RANBP17: variants seen among roughly 807,000 people sequenced by gnomAD.
RANBP17 encodes ran-binding protein 17.
In RANBP17, 158 loss-of-function variants were observed where a neutral mutation model predicts 141.2. The ratio of observed to expected loss-of-function variants is 1.12; its 90% CI spans 0.98 to 1.28. The LOEUF (loss-of-function observed/expected upper bound fraction) is 1.28. Among genes scored for constraint, RANBP17 ranks in the 50% most tolerant of loss-of-function variants. RANBP17 has a pLI of 0.00. For missense variants in RANBP17, 1,438 were observed against 1,290.7 expected (o/e 1.11, Z -1.75); for synonymous variants, 430 against 450.0 (o/e 0.96, Z 0.56).
chr5:170,915,583 C>G (rs889258059), intron 8 of RANBP17, among the ~76,000 whole-genome samples: 1 of 151,962 alleles, frequency 6.6e-6, no homozygotes, highest in Non-Finnish European at 1.5e-5. Context: ...CAAACTGGAG[C>G]ACATCTAAAA....
In RANBP17 at chr5:171,242,716, T is replaced by TC. The variant is rs1326889655; in HGVS notation, c.2674dup (p.Leu892ProfsTer35). 6.2e-7 allele frequency: 1 copy of TC among 1,613,766 alleles called. No individual in the cohort carries two copies. Among genetic ancestry groups the TC allele is most frequent in the Non-Finnish European group, 8.5e-7 (1 of 1,179,864 alleles). On this transcript the variant is annotated frameshift_variant, in exon 24 of 28. Coordinates refer to ENST00000523189, the MANE Select transcript of RANBP17 (RefSeq NM_022897.5). LOFTEE classifies it high-confidence loss of function. Reference sequence around the variant, plus strand: ...AAACTGAGCCAGTCTTATTATCCACTCCTGGAATGTCTCACTCAGGACCAT... The same window carrying TC: ...AAACTGAGCCAGTCTTATTATCCACTCCCTGGAATGTCTCACTCAGGACCAT...
intron 14 of RANBP17, among the ~76,000 whole-genome samples, chr5:171,081,455 C>T (rs1484932826): frequency 1.3e-5 from 2 of 152,064 alleles, no homozygotes; most frequent in Non-Finnish European, 2.9e-5. Context: ...CACTCTAATG[C>T]CAAGTGTTGA....
At chr5:171,041,985 T>C (rs1345152448) in intron 14 of RANBP17, among the ~76,000 whole-genome samples, 3 of 152,082 alleles carry the variant, frequency 2.0e-5, no homozygotes, top group Non-Finnish European at 4.4e-5. Context: ...TAAGTGAGAA[T>C]ATGTGGTGTT....
intron 22 of RANBP17, among the ~76,000 whole-genome samples, chr5:171,233,135 T>G (rs1764308972): frequency 6.6e-6 from 1 of 152,138 alleles, no homozygotes; most frequent in African/African-American, 2.4e-5. Flanking sequence ...CCCAGGAGTT[T>G]GAGACTAACC....
intron 13 of RANBP17, among the ~76,000 whole-genome samples, chr5:170,955,664 A>G (rs1380689479): frequency 4.9e-5 from 3 of 61,078 alleles, no homozygotes; most frequent in Admixed American, 2.0e-4. Flanking sequence ...ATATATATAT[A>G]TATATATATA....
chr5:171,168,943 C>G (rs1759912342), intron 14 of RANBP17, among the ~76,000 whole-genome samples: 1 of 152,012 alleles, frequency 6.6e-6, no homozygotes, highest in Admixed American at 6.6e-5. Context: ...TCCTCCTCTC[C>G]CTCTTTTTCT....
At chr5:171,222,993 A>G (rs554075399) in intron 22 of RANBP17, among the ~76,000 whole-genome samples, 1 of 152,180 alleles carries the variant, frequency 6.6e-6, no homozygotes, top group Admixed American at 6.5e-5. Context: ...TCTTTATTTT[A>G]ATTCTGTATG....
At chr5:171,156,507 G>A (rs532248805) in intron 14 of RANBP17, among the ~76,000 whole-genome samples, 1 of 152,258 alleles carries the variant, frequency 6.6e-6, no homozygotes, top group East Asian at 1.9e-4. Flanking sequence ...GTGAACATGT[G>A]TGGATCACTA....
At chr5:171,189,751 A>G (rs1761502793) in intron 18 of RANBP17, among the ~76,000 whole-genome samples, 1 of 152,240 alleles carries the variant, frequency 6.6e-6, no homozygotes, top group Admixed American at 6.5e-5. Flanking sequence ...TGATTTGTTG[A>G]GCGTTGTTGA....
rs368780187 is a variant in RANBP17, at chr5:171,296,066, G to C, written c.3170+52G>C. On this transcript the variant is annotated intron_variant, in intron 27 of 27. Coordinates refer to ENST00000523189, the MANE Select transcript of RANBP17 (RefSeq NM_022897.5). ...TGGGGGAAGTAGACATTCCAGGTTT[G>C]TTGAAAATAACTCTCTCGTGCTTGA... The C allele has an allele frequency of 7.0e-6, 11 of 1,579,702 alleles. No individual in the cohort carries two copies. The Admixed American group carries it at 1.9e-4, about 27-fold the overall frequency.
At chr5:170,864,532 G>C (rs768067720) in intron 1 of RANBP17, among the ~76,000 whole-genome samples, 1 of 152,130 alleles carries the variant, frequency 6.6e-6, no homozygotes, top group East Asian at 1.9e-4. Context: ...TGTGAATTAC[G>C]ATACCCTGTC....
intron 14 of RANBP17, among the ~76,000 whole-genome samples, chr5:171,155,651 AAGT>A (rs1758847633): frequency 6.6e-6 from 1 of 152,146 alleles, no homozygotes; most frequent in African/African-American, 2.4e-5. Context: ...AAAAGAGAAA[AAGT>A]AGATTTGAAT....
intron 14 of RANBP17, among the ~76,000 whole-genome samples, chr5:170,976,232 C>T (rs1176750645): frequency 3.3e-5 from 5 of 152,072 alleles, no homozygotes; most frequent in Non-Finnish European, 4.4e-5. Flanking sequence ...AGGAACAAAA[C>T]ATTCCATTAT....
intron 4 of RANBP17, among the ~76,000 whole-genome samples, chr5:170,895,058 G>A (rs1047345950): frequency 6.6e-5 from 10 of 152,198 alleles, no homozygotes; most frequent in African/African-American, 2.2e-4. Flanking sequence ...TTAACCTGGT[G>A]TACACATAGG....
intron 25 of RANBP17, among the ~76,000 whole-genome samples, chr5:171,282,453 CATGTTGTTGTTG>C (rs1172607801): frequency 6.9e-6 from 1 of 145,806 alleles, no homozygotes; most frequent in Non-Finnish European, 1.5e-5. Flanking sequence ...AAGAAAGCTG[CATGTTGTTGTTG>C]TTGTTGTTGT....
chr5:171,165,163 C>T (rs1374826877), intron 14 of RANBP17, among the ~76,000 whole-genome samples: 1 of 152,032 alleles, frequency 6.6e-6, no homozygotes, highest in Admixed American at 6.6e-5. Flanking sequence ...TAATCAAAAG[C>T]CCATAAAGTA....
At chr5:171,055,966 A>G (rs573672277) in intron 14 of RANBP17, among the ~76,000 whole-genome samples, 1 of 151,968 alleles carries the variant, frequency 6.6e-6, no homozygotes, top group South Asian at 2.1e-4. Context: ...GATTACTCAC[A>G]AATAGTTTCG....
intron 13 of RANBP17, among the ~76,000 whole-genome samples, chr5:170,955,100 G>A (rs1775514690): frequency 6.6e-6 from 1 of 152,024 alleles, no homozygotes; most frequent in East Asian, 1.9e-4. Flanking sequence ...GTTTCATCCT[G>A]AGACCGTCAC....
chr5:171,053,611 G>A (rs1449045889), intron 14 of RANBP17, among the ~76,000 whole-genome samples: 10 of 151,828 alleles, frequency 6.6e-5, no homozygotes, highest in Admixed American at 6.6e-4. Context: ...AGCTGTAGTA[G>A]ATTTTTTGTA....
Sources: allele counts gnomAD v4.1 joint callset (sites outside exome capture counted in the v4.1 genomes callset), GRCh38; gene constraint gnomAD v4.1.1; transcripts MANE v1.5; gene names NCBI Gene and HGNC (gene_info 2026-07-23, HGNC 2026-07-21).